Variants in CACNA1C observed in about 807,000 individuals in gnomAD.
The protein encoded by CACNA1C is calcium voltage-gated channel subunit alpha1 C.
A neutral mutation model predicts 229.0 loss-of-function variants in CACNA1C; 30 were observed. That is an observed-to-expected ratio of 0.13 (90% CI 0.10 to 0.18). CACNA1C has a LOEUF of 0.18. Ranked by LOEUF, CACNA1C falls within the 10% of genes least tolerant of loss-of-function variation. The pLI is 1.00. For missense variants in CACNA1C, 1,658 were observed against 2,845.0 expected (o/e 0.58, Z 9.49); for synonymous variants, 1,114 against 1,132.5 (o/e 0.98, Z 0.33).
intron 1 of CACNA1C, among the ~76,000 whole-genome samples, chr12:2,109,035 A>T (rs1240306365): frequency 6.6e-6 from 1 of 152,126 alleles, no homozygotes; most frequent in Non-Finnish European, 1.5e-5. Flanking sequence ...GGAGAAATTT[A>T]TTTGCAGTTC....
intron 9 of CACNA1C, among the ~76,000 whole-genome samples, chr12:2,517,530 C>T (rs986551851): frequency 6.6e-6 from 1 of 152,244 alleles, no homozygotes; most frequent in Non-Finnish European, 1.5e-5. Context: ...AAGAAAGGGG[C>T]ATGTTTATGT....
chr12:2,170,143 A>C (rs75804931), intron 3 of CACNA1C, among the ~76,000 whole-genome samples: 7 of 152,216 alleles, frequency 4.6e-5, no homozygotes, highest in African/African-American at 1.7e-4. Context: ...AACCATGGCC[A>C]ACAGTTAAAT....
rs1594471456 is a variant in CACNA1C at position 2,054,028 on chromosome 12, C to A, written c.49+417C>A. 6.8e-6 allele frequency among the ~76,000 whole-genome samples: 1 copy of A among 146,844 alleles called. No homozygotes were observed. The highest frequency in any genetic ancestry group is 1.5e-5 in the Non-Finnish European group (1 of 66,044). ...CCGGGGTCCCTCGCCCGGCTCGGGGCGCGGCTGGGAGCGCGCGCGCGCGCA... is the reference window on the plus strand; with the variant it reads ...CCGGGGTCCCTCGCCCGGCTCGGGGAGCGGCTGGGAGCGCGCGCGCGCGCA... On this transcript the variant is annotated intron_variant, in intron 1 of 46. Coordinates refer to ENST00000399655, the MANE Select transcript of CACNA1C (RefSeq NM_000719.7). This position sits in a 1 kb window ranked among gnomAD's most constrained non-coding sequence, Gnocchi z 5.5.
In CACNA1C at chr12:2,622,207, A is replaced by C. The variant is rs150924996; in HGVS notation, c.3828+10194A>C. 1.1e-3 allele frequency among the ~76,000 whole-genome samples: 172 copies of C among 152,260 alleles called. 1 individual carries two copies. Among genetic ancestry groups the C allele is most frequent in the African/African-American group, 3.9e-3 (164 of 41,552 alleles). On this transcript the variant is annotated intron_variant, in intron 29 of 46. Transcript: ENST00000399655. ...GGCCTTCTAGAAACTGAGGACAGGC[A>C]GAGGGAGGCCAGAATGCTGCCCTGC...
rs532392911 is a variant in CACNA1C, at chr12:2,389,750, G to A, written c.478-59226G>A. On this transcript the variant is annotated intron_variant, in intron 3 of 46. Transcript: ENST00000399655. ...AGAAGCCTCCTGTCACCAGCCTTTCGGAGTCCCCACTGATACTGGTGTGTG... is the reference window on the plus strand; with the variant it reads ...AGAAGCCTCCTGTCACCAGCCTTTCAGAGTCCCCACTGATACTGGTGTGTG... Among the ~76,000 whole-genome samples the A allele has an allele frequency of 3.5e-4, 53 of 152,188 alleles. No individual in the cohort carries two copies. In the South Asian group the frequency reaches 8.7e-3, roughly 25 times the overall value.
chr12:2,420,231 TA>T (rs1189596266), intron 3 of CACNA1C, among the ~76,000 whole-genome samples: 1 of 151,392 alleles, frequency 6.6e-6, no homozygotes, highest in Admixed American at 6.6e-5. Context: ...CCACTCCCAC[TA>T]ACTGAACCTC....
rs747650246 is a variant in CACNA1C at position 2,682,790 on chromosome 12, G to C, written c.5573+112G>C. ...TGGGGCTGATTGCAGGAGGAGAGGA[G>C]ATCACAGAGAAAACATCTGCACCGC... On this transcript the variant is annotated intron_variant, in intron 43 of 46. Transcript: ENST00000399655. The C allele has an allele frequency of 3.0e-6, 3 of 1,006,064 alleles. No homozygotes were observed. The South Asian group carries it at 5.1e-5, about 17-fold the overall frequency. 62.3% of individuals were successfully genotyped at this position (1,006,064 alleles called of 1,614,324 possible).
At position 2,383,662 on chromosome 12, in the gene CACNA1C, G is replaced by A. The variant is rs1567364577; in HGVS notation, c.478-65314G>A. Among the ~76,000 whole-genome samples the A allele has an allele frequency of 2.6e-5, 4 of 152,262 alleles. No homozygotes were observed. In the South Asian group the frequency reaches 8.3e-4, roughly 32 times the overall value. ...AGAAAGGATTTTGTCTCAGAGCCAA[G>A]GCAAGGAAAAGAGCCTTTTCCCATG... On this transcript the variant is annotated intron_variant, in intron 3 of 46. Coordinates refer to ENST00000399655, the MANE Select transcript of CACNA1C (RefSeq NM_000719.7).
chr12:2,531,530 C>G (rs1258575575), intron 9 of CACNA1C, among the ~76,000 whole-genome samples: 1 of 152,230 alleles, frequency 6.6e-6, no homozygotes, highest in Non-Finnish European at 1.5e-5. Context: ...CCCTGTCTTT[C>G]TCTTGGAGTT....
At chr12:2,454,787 CG>C (rs2099406576) in intron 4 of CACNA1C, among the ~76,000 whole-genome samples, 1 of 152,198 alleles carries the variant, frequency 6.6e-6, no homozygotes, top group African/African-American at 2.4e-5. Flanking sequence ...GTGCCTCTCT[CG>C]TCACACTTCC....
intron 1 of CACNA1C, among the ~76,000 whole-genome samples, chr12:2,032,726 T>C (rs2429147): frequency 0.67 from 101,754 of 152,206 alleles, 35,898 homozygotes; most frequent in African/African-American, 0.89. Context: ...CATCAGCAGC[T>C]GGAGCTAACA....
At chr12:2,312,630 T>C (rs1176649045) in intron 3 of CACNA1C, among the ~76,000 whole-genome samples, 1 of 152,174 alleles carries the variant, frequency 6.6e-6, no homozygotes, top group Non-Finnish European at 1.5e-5. Flanking sequence ...GTACAGTAGT[T>C]TTTCAGGATA....
chr12:2,251,390 A>G (rs2075555122), intron 3 of CACNA1C, among the ~76,000 whole-genome samples: 1 of 152,152 alleles, frequency 6.6e-6, no homozygotes, highest in Non-Finnish European at 1.5e-5. Flanking sequence ...AGCGTGTTGA[A>G]ATCCTCCTTT....
intron 1 of CACNA1C, among the ~76,000 whole-genome samples, chr12:1,996,680 A>G (rs2041002246): frequency 6.9e-6 from 1 of 145,884 alleles, no homozygotes; most frequent in Non-Finnish European, 1.5e-5. Context: ...AATGTTTTAA[A>G]GAAGTTTACG....
At chr12:2,203,272 A>C (rs767004065) in intron 3 of CACNA1C, among the ~76,000 whole-genome samples, 9 of 152,182 alleles carry the variant, frequency 5.9e-5, no homozygotes, top group Non-Finnish European at 1.3e-4. Context: ...TCATGTCCCC[A>C]TAGGAACAGT....
chr12:2,089,801 G>A (rs940661055), intron 1 of CACNA1C, among the ~76,000 whole-genome samples: 7 of 152,044 alleles, frequency 4.6e-5, no homozygotes, highest in South Asian at 2.1e-4. Context: ...TGGGGAGGCT[G>A]AGGTGGGCGG....
chr12:2,637,631 C>T (rs1603164841), intron 30 of CACNA1C, among the ~76,000 whole-genome samples: 1 of 152,268 alleles, frequency 6.6e-6, no homozygotes, highest in Non-Finnish European at 1.5e-5. Flanking sequence ...CTCCCTCCCA[C>T]TAGATTCTGC....
At chr12:2,482,575 G>A (rs1376828283) in intron 5 of CACNA1C, among the ~76,000 whole-genome samples, 1 of 152,190 alleles carries the variant, frequency 6.6e-6, no homozygotes, top group African/African-American at 2.4e-5. Context: ...TGTCGCCCAT[G>A]GCAAGTCTTC....
intron 3 of CACNA1C, among the ~76,000 whole-genome samples, chr12:2,200,428 GCTACTGGCAT>G (rs1412048250): frequency 2.0e-5 from 3 of 152,204 alleles, no homozygotes; most frequent in African/African-American, 7.2e-5. Flanking sequence ...GTGGTAGGTT[GCTACTGGCAT>G]CTAGCGGATA....
Sources: allele counts gnomAD v4.1 joint callset (sites outside exome capture counted in the v4.1 genomes callset), GRCh38; gene constraint gnomAD v4.1.1; non-coding constraint Gnocchi (gnomAD v3.1); transcripts MANE v1.5; gene names NCBI Gene and HGNC (gene_info 2026-07-23, HGNC 2026-07-21).